The following CES5A variants were observed in gnomAD, a reference collection of about 807,000 sequenced individuals.
CES5A encodes the protein carboxylesterase 5.
Under a neutral mutation model 62.9 loss-of-function variants are expected in CES5A, and 67 were observed. The observed-to-expected ratio is 1.07, with a 90% CI of 0.88 to 1.31. The LOEUF (loss-of-function observed/expected upper bound fraction) is 1.31. CES5A is among the 50% of genes most tolerant of loss of function. The pLI, the probability that CES5A is intolerant of heterozygous loss-of-function variation, is 0.00. For synonymous variants in CES5A, 296 were observed against 280.8 expected (o/e 1.05, Z -0.54); for missense variants, 748 against 708.5 (o/e 1.06, Z -0.63).
chr16:55,854,654 C>T (rs1433433120), intron 9 of CES5A, among the ~76,000 whole-genome samples: 13 of 149,740 alleles, frequency 8.7e-5, no homozygotes, highest in Admixed American at 2.0e-4. Flanking sequence ...TGCTTGGCCT[C>T]CCAAGTAGCT....
At chr16:55,935,288 T>C (rs1437397530) in intron 2 of CES5A, among the ~76,000 whole-genome samples, 1 of 152,210 alleles carries the variant, frequency 6.6e-6, no homozygotes, top group East Asian at 1.9e-4. Flanking sequence ...TAAAAAAAGA[T>C]ATCCCAGCTC....
upstream of CES5A, among the ~76,000 whole-genome samples, chr16:55,876,621 TGTGTGCTAAGGATGAAAA>T (rs1355146055): frequency 6.6e-6 from 1 of 152,144 alleles, no homozygotes; most frequent in African/African-American, 2.4e-5. Context: ...TGGGCTGAAA[TGTGTGCTAAGGATGAAAA>T]GTGTGCTAAG....
At chr16:55,882,498 G>C (rs947262843) in intron 1 of CES5A, among the ~76,000 whole-genome samples, 11 of 152,120 alleles carry the variant, frequency 7.2e-5, no homozygotes, top group Non-Finnish European at 1.5e-4. Context: ...ACCGTCACAG[G>C]CCTGCCAAAT....
intron 2 of CES5A, among the ~76,000 whole-genome samples, chr16:55,947,326 A>G (rs2034507404): frequency 1.3e-5 from 2 of 152,196 alleles, no homozygotes; most frequent in African/African-American, 4.8e-5. Context: ...ATGGAAGGTC[A>G]TTAGGCAAGT....
At chr16:55,896,011 G>A (rs766238973) in intron 1 of CES5A, among the ~76,000 whole-genome samples, 5 of 152,162 alleles carry the variant, frequency 3.3e-5, no homozygotes, top group Admixed American at 6.5e-5. Flanking sequence ...TTCTGTATTA[G>A]TCTGTTCTCA....
intron 2 of CES5A, among the ~76,000 whole-genome samples, chr16:55,937,561 G>A (rs1597157715): frequency 6.6e-6 from 1 of 152,270 alleles, no homozygotes; most frequent in Admixed American, 6.5e-5. Context: ...ATGGGGATGG[G>A]GACTGCCAGT....
chr16:55,863,286 C>A, intron 6 of CES5A, 62 bp downstream of exon 6: 1 of 913,348 alleles, frequency 1.1e-6, no homozygotes, highest in East Asian at 2.4e-5. Context: ...TGAGAAGGTG[C>A]CTGACCACAT....
chr16:55,876,141 C>G (rs1473301162), upstream of CES5A, among the ~76,000 whole-genome samples: 1 of 152,228 alleles, frequency 6.6e-6, no homozygotes, highest in Non-Finnish European at 1.5e-5. Flanking sequence ...TTTCCATGTA[C>G]ATATTCATCA....
chr16:55,856,249 A>G, intron 9 of CES5A, 128 bp downstream of exon 9: 1 of 779,542 alleles, frequency 1.3e-6, no homozygotes, highest in Non-Finnish European at 2.2e-6. Context: ...TATGCTTAGT[A>G]AAGGTCTATT....
In CES5A at chr16:55,846,181, T is replaced by A. The variant is rs992437007; in HGVS notation, c.*270A>T. On this transcript the variant is annotated 3_prime_UTR_variant, in exon 13 of 13. Transcript: ENST00000290567. ...TATTTTACATTCTGATTTTATTTCA[T>A]ATGAGTTACAAAACCATTATTATGA... 2.6e-5 allele frequency: 13 copies of A among 495,060 alleles called. No homozygotes were observed. Among genetic ancestry groups the A allele is most frequent in the Admixed American group, 1.5e-4 (4 of 27,338 alleles). The allele number at this position is 495,060 out of a possible 1,614,324, so 30.7% of individuals were successfully genotyped here. A position where few individuals can be genotyped will look rare whatever the true frequency, so the allele number is the denominator to read the frequency against.
intron 1 of CES5A, among the ~76,000 whole-genome samples, chr16:55,950,087 G>C (rs1038907829): frequency 2.6e-5 from 4 of 152,112 alleles, no homozygotes; most frequent in Non-Finnish European, 5.9e-5. Context: ...ATGCCTGAAA[G>C]GGGAAAGGCA....
At chr16:55,865,395 T>A (rs1182779888) in intron 5 of CES5A, among the ~76,000 whole-genome samples, 1 of 152,166 alleles carries the variant, frequency 6.6e-6, no homozygotes, top group Non-Finnish European at 1.5e-5. Context: ...CCAAATGCGC[T>A]AAAGTCAGAC....
intron 7 of CES5A, among the ~76,000 whole-genome samples, chr16:55,860,424 G>T (rs1212054994): frequency 5.4e-5 from 8 of 149,256 alleles, no homozygotes; most frequent in African/African-American, 1.8e-4. Context: ...CCCACTTCAG[G>T]CTCCTCAATA....
At chr16:55,927,981 C>T (rs372786445), upstream of CES5A, among the ~76,000 whole-genome samples, 40 of 152,220 alleles carry the variant, frequency 2.6e-4, no homozygotes, top group South Asian at 1.7e-3. Context: ...CGGTGGCTCA[C>T]GCCTGTAATC....
At chr16:55,949,190 G>A (rs1476583773) in intron 2 of CES5A, among the ~76,000 whole-genome samples, 1 of 152,158 alleles carries the variant, frequency 6.6e-6, no homozygotes, top group African/African-American at 2.4e-5. Flanking sequence ...GGTTTATTAG[G>A]GTGTTGATCT....
At chr16:55,849,311 C>G (rs1460455584) in intron 11 of CES5A, among the ~76,000 whole-genome samples, 2 of 151,118 alleles carry the variant, frequency 1.3e-5, no homozygotes, top group African/African-American at 4.9e-5. Flanking sequence ...AGGGTAAGAC[C>G]AGTGGTCAAA....
intron 1 of CES5A, among the ~76,000 whole-genome samples, chr16:55,881,067 T>A (rs1215811088): frequency 6.6e-6 from 1 of 152,120 alleles, no homozygotes; most frequent in African/African-American, 2.4e-5. Flanking sequence ...ATGGATGCAT[T>A]TGAGAACTAT....
In CES5A at chr16:55,909,676, A is replaced by G. The variant is rs114902057; in HGVS notation, c.-256+15647T>C. Among the ~76,000 whole-genome samples, 585 of 152,288 alleles carry G rather than the reference A, an allele frequency of 3.8e-3. 3 individuals carry two copies. Among genetic ancestry groups the G allele is most frequent in the African/African-American group, 0.014 (563 of 41,582 alleles). The stretch of plus-strand genomic sequence containing the variant: ...GAATAAGAAAAAGGGGCCAGTGGCT[A>G]AAGTGAATGGCCCACAGGTGAACGG... On this transcript the variant is annotated intron_variant, in intron 1 of 12. Transcript: ENST00000518005.
At chr16:55,903,016 T>C (rs568387088) in intron 1 of CES5A, among the ~76,000 whole-genome samples, 15 of 152,264 alleles carry the variant, frequency 9.9e-5, no homozygotes, top group Non-Finnish European at 1.9e-4. Flanking sequence ...CTGCACACTT[T>C]ATAATTCTGA....
Sources: allele counts gnomAD v4.1 joint callset (sites outside exome capture counted in the v4.1 genomes callset), GRCh38; gene constraint gnomAD v4.1.1; transcripts MANE v1.5; gene names NCBI Gene and HGNC (gene_info 2026-07-23, HGNC 2026-07-21).